STARD4: variants seen among roughly 807,000 people sequenced by gnomAD.
The protein encoded by STARD4 is StAR related lipid transfer domain containing 4.
In STARD4, 33 loss-of-function variants were observed where a neutral mutation model predicts 24.9. The ratio of observed to expected loss-of-function variants is 1.32; its 90% CI spans 1.00 to 1.77. The LOEUF (loss-of-function observed/expected upper bound fraction) is 1.77, where lower values mean the gene tolerates loss of function less well. Ranked by LOEUF, STARD4 falls within the 40% of genes most tolerant of loss-of-function variation. STARD4 has a pLI of 0.00. For synonymous variants in STARD4, 88 were observed against 77.4 expected (o/e 1.14, Z -0.72); for missense variants, 238 against 249.3 (o/e 0.95, Z 0.31).
At chr5:111,512,356 T>G (rs1162106165) in intron 1 of STARD4, 29 bp downstream of exon 1, 2 of 152,572 alleles carry the variant, frequency 1.3e-5, no homozygotes, top group Admixed American at 6.5e-5. Flanking sequence ...GCCACCCCAA[T>G]CCTGCCGCGG....
rs868268279 is a variant in STARD4 at position 111,498,610 on chromosome 5, C to G, written c.*1276G>C. 6.6e-6 allele frequency: 1 copy of G among 151,898 alleles called. No homozygotes were observed. The highest frequency in any genetic ancestry group is 6.6e-5 in the Admixed American group (1 of 15,240). 9.4% of individuals were successfully genotyped at this position (151,898 alleles called of 1,614,324 possible). On this transcript the variant is annotated 3_prime_UTR_variant, in exon 6 of 6. Transcript: ENST00000296632. The stretch of plus-strand genomic sequence containing the variant: ...TTGCAGAACAAAAAAAAAGAAGAAA[C>G]CTAGTAATTCAAAAGTACATTCAAT...
intron 3 of STARD4, 87 bp downstream of exon 3, chr5:111,506,243 A>G (rs1756853134): frequency 5.4e-6 from 3 of 554,790 alleles, no homozygotes; most frequent in Non-Finnish European, 2.9e-6. Flanking sequence ...AAAAAGCTAA[A>G]TCTTACTAGC....
Position 111,499,217 on chromosome 5 carries a change from G to C in STARD4, c.*669C>G, listed in dbSNP as rs2112536313. 1 of 152,276 alleles carries C rather than the reference G, an allele frequency of 6.6e-6. No individual in the cohort carries two copies. Among genetic ancestry groups the C allele is most frequent in the Non-Finnish European group, 1.5e-5 (1 of 68,010 alleles). 9.4% of individuals were successfully genotyped at this position (152,276 alleles called of 1,614,324 possible). A position where few individuals can be genotyped will look rare whatever the true frequency, so the allele number is the denominator to read the frequency against. ...TCATTTAGAATGTGAAAATCATTTAGAAATTCTCACTTAAGGCACCCACAG... is the reference window on the plus strand; with the variant it reads ...TCATTTAGAATGTGAAAATCATTTACAAATTCTCACTTAAGGCACCCACAG... On this transcript the variant is annotated 3_prime_UTR_variant, in exon 6 of 6. Transcript: ENST00000296632.
rs904681525 is a variant in STARD4, at chr5:111,499,975, G to T, written c.529C>A (p.Leu177Met). The change falls in exon 6 of 6, where the codon CTG (leucine) becomes ATG (methionine). Residue 177 changes from leucine to methionine, a missense_variant. Leu to Met is a conservative substitution (Grantham distance 15). Transcript: ENST00000296632. Reference protein sequence around the residue: ...SLLTGYIQTDLRGMIPQSAVD... With the variant: ...SLLTGYIQTDMRGMIPQSAVD... ...GCAGACTGAGGAATCATCCCACGCAGATCTGTCTGAATATATCCTGTCAAA... is the reference window on the plus strand; with the variant it reads ...GCAGACTGAGGAATCATCCCACGCATATCTGTCTGAATATATCCTGTCAAA... 1.9e-6 allele frequency: 3 copies of T among 1,614,040 alleles called. No homozygotes were observed. Among genetic ancestry groups the T allele is most frequent in the Non-Finnish European group, 2.5e-6 (3 of 1,180,024 alleles).
At position 111,496,233 on chromosome 5, in the gene STARD4, T is replaced by G. The variant is rs139569905; in HGVS notation, c.*3653A>C. On this transcript the variant is annotated 3_prime_UTR_variant, in exon 6 of 6. Coordinates refer to ENST00000296632, the MANE Select transcript of STARD4 (RefSeq NM_139164.3). The stretch of plus-strand genomic sequence containing the variant: ...AACTGCAAGAGATGAATTTTAATAT[T>G]TAACTATACATGTAAAATCCGTAAA... 2 of 152,202 alleles carry G rather than the reference T, an allele frequency of 1.3e-5. No individual in the cohort carries two copies. Among genetic ancestry groups the G allele is most frequent in the African/African-American group, 4.8e-5 (2 of 41,558 alleles). The allele number at this position is 152,202 out of a possible 1,614,324, so 9.4% of individuals were successfully genotyped here. A position where few individuals can be genotyped will look rare whatever the true frequency, so the allele number is the denominator to read the frequency against.
rs1756381989 is a variant in STARD4 at position 111,500,822 on chromosome 5, G to A, written c.397+180C>T. ...AACTGGGAACAAAAACTTATCAGAA[G>A]GGTTTCAAAACTCTTTTGATATTGC... On this transcript the variant is annotated intron_variant, in intron 5 of 5. Transcript: ENST00000296632. The A allele has an allele frequency of 4.0e-6, 6 of 1,497,812 alleles. No individual in the cohort carries two copies. The South Asian group carries it at 7.9e-5, about 20-fold the overall frequency. 92.8% of individuals were successfully genotyped at this position (1,497,812 alleles called of 1,614,324 possible). A position where few individuals can be genotyped will look rare whatever the true frequency, so the allele number is the denominator to read the frequency against.
At chr5:111,505,491 G>T (rs968757034) in intron 3 of STARD4, among the ~76,000 whole-genome samples, 1 of 152,058 alleles carries the variant, frequency 6.6e-6, no homozygotes, top group African/African-American at 2.4e-5. Context: ...GTCTCTACAA[G>T]CTTTAAAAAA....
chr5:111,501,164 A>G (rs755631574), intron 4 of STARD4, 48 bp from the exon 5 acceptor site: 14 of 1,515,832 alleles, frequency 9.2e-6, no homozygotes, highest in Non-Finnish European at 1.2e-5. Context: ...GGAAACATAC[A>G]TAGCTTCATA....
At chr5:111,500,573 CAGG>C in intron 5 of STARD4, 5 of 1,083,358 alleles carry the variant, frequency 4.6e-6, no homozygotes, top group Non-Finnish European at 5.6e-6. Flanking sequence ...TTTTAGAAAA[CAGG>C]AGCCTTCCAA....
At chr5:111,501,598 T>C (rs999057414) in intron 4 of STARD4, among the ~76,000 whole-genome samples, 3 of 152,260 alleles carry the variant, frequency 2.0e-5, no homozygotes, top group Admixed American at 6.5e-5. Flanking sequence ...GTTGGCTTAG[T>C]ATTAATGGAA....
rs200887111 is a variant in STARD4, at chr5:111,502,793, C to CA, written c.156-706dup. ...GGGCAACAAGAGTGAAATTCCATCT[C>CA]AAAAAAAAAATAATAATAATGAAGG... On this transcript the variant is annotated intron_variant, in intron 3 of 5. Coordinates refer to ENST00000296632, the MANE Select transcript of STARD4 (RefSeq NM_139164.3). Among the ~76,000 whole-genome samples the CA allele has an allele frequency of 1.2e-3, 164 of 141,168 alleles. No homozygotes were observed. In the East Asian group the frequency reaches 0.026, roughly 22 times the overall value. The allele number at this position is 141,168 out of a possible 152,430, so 92.6% of individuals were successfully genotyped here.
intron 5 of STARD4, 196 bp downstream of exon 5, chr5:111,500,806 C>T (rs1428095677): frequency 1.7e-5 from 25 of 1,480,694 alleles, no homozygotes; most frequent in East Asian, 2.5e-5. Flanking sequence ...TAACTGGGAA[C>T]AAAAACTTAT....
At chr5:111,506,302 C>G in intron 3 of STARD4, 28 bp downstream of exon 3, 1 of 1,326,568 alleles carries the variant, frequency 7.5e-7, no homozygotes, top group Non-Finnish European at 1.0e-6. Flanking sequence ...GTCTTAAGAG[C>G]TGTGTAAGTC....
At chr5:111,502,793 C>CAA (rs200887111) in intron 3 of STARD4, among the ~76,000 whole-genome samples, 123 of 141,178 alleles carry the variant, frequency 8.7e-4, no homozygotes, top group African/African-American at 3.0e-3. Context: ...AATTCCATCT[C>CAA]AAAAAAAAAA....
At chr5:111,503,501 T>C (rs1255410744) in intron 3 of STARD4, among the ~76,000 whole-genome samples, 2 of 152,060 alleles carry the variant, frequency 1.3e-5, no homozygotes, top group Non-Finnish European at 2.9e-5. Context: ...TGGTGGCGCA[T>C]GCCTATAGTC....
chr5:111,511,713 C>G lies in STARD4; in HGVS notation c.-10+672G>C, dbSNP rs1371944192. ...CTCTTGTAAAACTGTGGAAGCTGATCACAGGCTGGAAAAGACTTCATATAA... is the reference window on the plus strand; with the variant it reads ...CTCTTGTAAAACTGTGGAAGCTGATGACAGGCTGGAAAAGACTTCATATAA... On this transcript the variant is annotated intron_variant, in intron 1 of 5. Coordinates refer to ENST00000296632, the MANE Select transcript of STARD4 (RefSeq NM_139164.3). 1.3e-5 allele frequency among the ~76,000 whole-genome samples: 2 copies of G among 152,202 alleles called. 1 individual carries two copies. The highest frequency in any genetic ancestry group is 4.1e-4 in the South Asian group (2 of 4,828).
In STARD4 at chr5:111,499,988, A is replaced by G; in HGVS notation, c.516T>C (p.Tyr172=). ...DNPNQSLLTG[Y]IQTDLRGMIP... Reference sequence around the variant, plus strand: ...TCATCCCACGCAGATCTGTCTGAATATATCCTGTCAAAAGACTCTGGTTTG... The same window carrying G: ...TCATCCCACGCAGATCTGTCTGAATGTATCCTGTCAAAAGACTCTGGTTTG... Residue 172 remains tyrosine, a synonymous_variant, in exon 6 of 6, where the codon TAT becomes TAC. Coordinates refer to ENST00000296632, the MANE Select transcript of STARD4 (RefSeq NM_139164.3). The G allele has an allele frequency of 6.2e-7, 1 of 1,614,162 alleles. No individual in the cohort carries two copies. Among genetic ancestry groups the G allele is most frequent in the Non-Finnish European group, 8.5e-7 (1 of 1,180,022 alleles).
intron 3 of STARD4, among the ~76,000 whole-genome samples, chr5:111,502,498 A>G (rs894869222): frequency 6.6e-6 from 1 of 151,514 alleles, no homozygotes; most frequent in African/African-American, 2.4e-5. Flanking sequence ...AAGAATAAAA[A>G]TTAGTGAAGG....
rs1756354496 is a variant in STARD4, at chr5:111,500,456, A to T, written c.398-350T>A. 2.8e-6 allele frequency: 3 copies of T among 1,057,714 alleles called. No homozygotes were observed. In the East Asian group the frequency reaches 2.4e-4, roughly 85 times the overall value. The allele number at this position is 1,057,714 out of a possible 1,614,324, so 65.5% of individuals were successfully genotyped here. Reference sequence around the variant, plus strand: ...TATTCCCCACAGCGACTACCATATTATAGTTTGGTACTGGCTAGTTAAGAA... The same window carrying T: ...TATTCCCCACAGCGACTACCATATTTTAGTTTGGTACTGGCTAGTTAAGAA... On this transcript the variant is annotated intron_variant, in intron 5 of 5. Coordinates refer to ENST00000296632, the MANE Select transcript of STARD4 (RefSeq NM_139164.3).
Sources: gnomAD v4.1 joint callset for allele counts (sites outside exome capture counted in the v4.1 genomes callset) on GRCh38, gnomAD v4.1.1 for gene constraint, MANE v1.5 for transcripts, NCBI Gene and HGNC (gene_info 2026-07-23, HGNC 2026-07-21) for gene names.